Variants in NPAS2 observed in about 807,000 individuals in gnomAD.
The protein encoded by NPAS2 is neuronal PAS domain protein 2.
A neutral mutation model predicts 107.5 loss-of-function variants in NPAS2; 23 were observed. That is an observed-to-expected ratio of 0.21 (90% CI 0.15 to 0.30). NPAS2 has a LOEUF of 0.30. Among genes scored for constraint, NPAS2 ranks in the 10% least tolerant of loss-of-function variants. NPAS2 has a pLI of 1.00. For missense variants in NPAS2, 756 were observed against 1,043.3 expected, an observed-to-expected ratio of 0.72 and a Z score of 3.79; for synonymous variants, 403 against 417.5, an observed-to-expected ratio of 0.97 and a Z score of 0.42.
intron 2 of NPAS2, among the ~76,000 whole-genome samples, chr2:100,919,380 AC>A (rs1683083673): frequency 1.3e-5 from 2 of 152,196 alleles, no homozygotes; most frequent in African/African-American, 4.8e-5. Context: ...GGGAAAAAAA[AC>A]AAAAACAAAA....
At chr2:100,959,013 G>GC (rs1280059016) in intron 7 of NPAS2, among the ~76,000 whole-genome samples, 1 of 146,616 alleles carries the variant, frequency 6.8e-6, no homozygotes, top group African/African-American at 2.5e-5. Flanking sequence ...TGTAATCCCC[G>GC]CACTTTGAGA....
chr2:100,848,505 C>A (rs1402656488), intron 1 of NPAS2, among the ~76,000 whole-genome samples: 1 of 152,168 alleles, frequency 6.6e-6, no homozygotes, highest in Admixed American at 6.5e-5. Flanking sequence ...ATTCCCAAAG[C>A]CTGGAATTGA....
chr2:100,821,390 G>A lies in NPAS2; in HGVS notation c.-23+976G>A, dbSNP rs565887643. On this transcript the variant is annotated intron_variant, in intron 1 of 20. Transcript: ENST00000335681. ...TTCAACAGGTGTTCAGGAGGGTCCC[G>A]GAGAGGAGTTTCGTCTTTACGCGTT... 1.9e-3 allele frequency among the ~76,000 whole-genome samples: 283 copies of A among 152,124 alleles called. 1 individual carries two copies. The highest frequency in any genetic ancestry group is 3.4e-3 in the Non-Finnish European group (229 of 67,990).
rs914646853 is a variant in NPAS2 at position 100,935,057 on chromosome 2, G to A, written c.273+2056G>A. 1.0e-5 allele frequency: 10 copies of A among 985,374 alleles called. 1 individual carries two copies. Among genetic ancestry groups the A allele is most frequent in the Middle Eastern group, 5.2e-4 (1 of 1,914 alleles). 61.0% of individuals were successfully genotyped at this position (985,374 alleles called of 1,614,324 possible). ...ACCAGACTCCAGGAGGACTCACATA[G>A]CTGTGAAGTTTGAAAAAACAAAATT... On this transcript the variant is annotated intron_variant, in intron 4 of 20. Coordinates refer to ENST00000335681, the MANE Select transcript of NPAS2 (RefSeq NM_002518.4).
At chr2:100,855,985 C>A (rs147677547) in intron 1 of NPAS2, among the ~76,000 whole-genome samples, 1 of 152,150 alleles carries the variant, frequency 6.6e-6, no homozygotes, top group African/African-American at 2.4e-5. Flanking sequence ...AATAACCCCT[C>A]GAAATAACCC....
intron 4 of NPAS2, chr2:100,935,093 A>T (rs1684216303): frequency 1.0e-6 from 1 of 983,180 alleles, no homozygotes; most frequent in African/African-American, 1.8e-5. Flanking sequence ...GACCTGGCTG[A>T]AAAAACAAAA....
rs115960077 is a variant in NPAS2, at chr2:100,883,612, G to A, written c.-22-21121G>A. On this transcript the variant is annotated intron_variant, in intron 1 of 20. Coordinates refer to ENST00000335681, the MANE Select transcript of NPAS2 (RefSeq NM_002518.4). ...TGGAGAATGCTCTGTCATAACCAGC[G>A]CTCCCAGTCTCCATAGGTTCTTAGC... 4.7e-3 allele frequency among the ~76,000 whole-genome samples: 716 copies of A among 152,152 alleles called. 1 individual carries two copies. The highest frequency in any genetic ancestry group is 8.8e-3 in the Non-Finnish European group (598 of 68,000).
At chr2:100,987,922 C>A in intron 16 of NPAS2, 157 bp from the exon 17 acceptor site, 2 of 766,964 alleles carry the variant, frequency 2.6e-6, no homozygotes, top group Non-Finnish European at 4.5e-6. Context: ...GAGCTTGGGG[C>A]ATCACAGGTG....
intron 1 of NPAS2, among the ~76,000 whole-genome samples, chr2:100,842,081 G>GCGCGCGCGCGCGCGCGCACACA: frequency 6.7e-6 from 1 of 148,798 alleles, no homozygotes; most frequent in African/African-American, 2.5e-5. Context: ...GCATGTACGC[G>GCGCGCGCGCGCGCGCGCACACA]CACACACACA....
rs1443211106 is a variant in NPAS2 at position 100,924,214 on chromosome 2, G to A, written c.33-932G>A. Reference sequence around the variant, plus strand: ...TATCAGCATCCCCCACCAGAGTGGTGCATTAGTTATAGCTGATAAGCTTAC... The same window carrying A: ...TATCAGCATCCCCCACCAGAGTGGTACATTAGTTATAGCTGATAAGCTTAC... On this transcript the variant is annotated intron_variant, in intron 2 of 20. Transcript: ENST00000335681. Among the ~76,000 whole-genome samples the A allele has an allele frequency of 2.0e-5, 3 of 152,312 alleles. No homozygotes were observed. The East Asian group carries it at 5.8e-4, about 29-fold the overall frequency.
intron 1 of NPAS2, among the ~76,000 whole-genome samples, chr2:100,868,575 C>T (rs1467122417): frequency 6.6e-6 from 1 of 152,160 alleles, no homozygotes; most frequent in East Asian, 1.9e-4. Context: ...TTCCTAGACC[C>T]CATTCCCTCG....
At chr2:100,932,531 G>A (rs777704810) in intron 3 of NPAS2, among the ~76,000 whole-genome samples, 38 of 151,390 alleles carry the variant, frequency 2.5e-4, no homozygotes, top group Non-Finnish European at 5.0e-4. Flanking sequence ...GGGCCATGAA[G>A]AAGCCACTTA....
At chr2:100,991,938 A>G (rs1678159054) in intron 19 of NPAS2, among the ~76,000 whole-genome samples, 1 of 152,126 alleles carries the variant, frequency 6.6e-6, no homozygotes, top group African/African-American at 2.4e-5. Flanking sequence ...CCTCAGGATA[A>G]CTTTCTAGGC....
At chr2:100,836,523 T>A (rs1179427384) in intron 1 of NPAS2, among the ~76,000 whole-genome samples, 1 of 151,996 alleles carries the variant, frequency 6.6e-6, no homozygotes, top group Non-Finnish European at 1.5e-5. Context: ...CTGGGGACAG[T>A]GGTGGTAGGG....
chr2:100,852,405 T>A (rs1346717243), intron 1 of NPAS2, among the ~76,000 whole-genome samples: 3 of 151,760 alleles, frequency 2.0e-5, no homozygotes, highest in African/African-American at 7.2e-5. Context: ...TCAAAAAAAA[T>A]AAAAATAAAA....
At chr2:100,962,340 A>G (rs375987658) in intron 7 of NPAS2, among the ~76,000 whole-genome samples, 327 of 152,338 alleles carry the variant, frequency 2.1e-3, no homozygotes, top group African/African-American at 5.5e-3. Flanking sequence ...TTGGAAAGCT[A>G]AAATCCAAAG....
intron 7 of NPAS2, among the ~76,000 whole-genome samples, chr2:100,960,091 C>A (rs981026149): frequency 2.0e-5 from 3 of 152,136 alleles, no homozygotes; most frequent in African/African-American, 7.2e-5. Context: ...TGGAAGCCAA[C>A]CTTGGGTGCT....
intron 8 of NPAS2, 78 bp from the exon 9 acceptor site, chr2:100,964,783 A>G (rs1676113156): frequency 3.7e-6 from 3 of 813,466 alleles, no homozygotes; most frequent in South Asian, 1.6e-5. Flanking sequence ...GTTACCCACC[A>G]CGCGTTCCTC....
At position 100,844,077 on chromosome 2, in the gene NPAS2, G is replaced by A. The variant is rs532807270; in HGVS notation, c.-23+23663G>A. Among the ~76,000 whole-genome samples, 3 of 152,316 alleles carry A rather than the reference G, an allele frequency of 2.0e-5. No individual in the cohort carries two copies. In the Middle Eastern group the frequency reaches 0.01, roughly 518 times the overall value. On this transcript the variant is annotated intron_variant, in intron 1 of 20. Coordinates refer to ENST00000335681, the MANE Select transcript of NPAS2 (RefSeq NM_002518.4). ...TACACAGACTCCCAGGGCCGTGTCA[G>A]CTCTCACTGTCTGCAGGCTCACAGC...
Sources: gnomAD v4.1 joint callset for allele counts (sites outside exome capture counted in the v4.1 genomes callset) on GRCh38, gnomAD v4.1.1 for gene constraint, MANE v1.5 for transcripts, NCBI Gene and HGNC (gene_info 2026-07-23, HGNC 2026-07-21) for gene names.